GLS2: variants seen among roughly 807,000 people sequenced by gnomAD.
GLS2 encodes glutaminase liver isoform, mitochondrial.
A neutral mutation model predicts 79.0 loss-of-function variants in GLS2; 52 were observed. The observed-to-expected ratio is 0.66, with a 90% CI of 0.53 to 0.83. The LOEUF (loss-of-function observed/expected upper bound fraction) is 0.83, where lower values mean the gene tolerates loss of function less well. Ranked by LOEUF, GLS2 falls within the 40% of genes least tolerant of loss-of-function variation. The pLI, the probability that GLS2 is intolerant of heterozygous loss-of-function variation, is 0.00. For missense variants in GLS2, 561 were observed against 764.8 expected, an observed-to-expected ratio of 0.73 and a Z score of 3.14; for synonymous variants, 238 against 280.8, an observed-to-expected ratio of 0.85 and a Z score of 1.52.
At position 56,479,110 on chromosome 12, in the gene GLS2, TC is replaced by T. The variant is rs1437926660; in HGVS notation, c.475del (p.Glu159SerfsTer63). ...GATGCGATCCACATGGCCCGTGAAC[TC>T]CTCAAAATCAGGAATGACAAACTTC... ...RKKFVIPDFE[E>X]FTGHVDRIFE... On this transcript the variant is annotated frameshift_variant, in exon 4 of 18. Coordinates refer to ENST00000311966, the MANE Select transcript of GLS2 (RefSeq NM_013267.4). LOFTEE classifies it high-confidence loss of function. 16 of 1,613,574 alleles carry T rather than the reference TC, an allele frequency of 9.9e-6. No individual in the cohort carries two copies. Among genetic ancestry groups the T allele is most frequent in the Non-Finnish European group, 1.3e-5 (15 of 1,179,924 alleles).
chr12:56,473,096 A>T, intron 14 of GLS2, 132 bp downstream of exon 14: 5 of 797,954 alleles, frequency 6.3e-6, no homozygotes, highest in South Asian at 1.7e-5. Flanking sequence ...TCACCGTGTT[A>T]GCCAGGATGG....
At chr12:56,486,515 G>GT (rs1239759863) in intron 1 of GLS2, among the ~76,000 whole-genome samples, 1 of 152,180 alleles carries the variant, frequency 6.6e-6, no homozygotes, top group Non-Finnish European at 1.5e-5. Context: ...AAAGTACTGT[G>GT]TAATATGGAT....
chr12:56,472,897 T>A (rs1005301889), intron 14 of GLS2, 146 bp from the exon 15 acceptor site: 2 of 730,680 alleles, frequency 2.7e-6, no homozygotes, highest in African/African-American at 3.6e-5. Context: ...TTTTTTTTTT[T>A]TTTTTTTTGA....
chr12:56,481,920 C>T (rs1416683813), intron 1 of GLS2, among the ~76,000 whole-genome samples: 3 of 148,076 alleles, frequency 2.0e-5, no homozygotes, highest in African/African-American at 7.7e-5. Flanking sequence ...CTTGGTAGGA[C>T]ATCAAAAGCT....
At chr12:56,481,497 C>T (rs1033490853) in intron 1 of GLS2, among the ~76,000 whole-genome samples, 2 of 151,050 alleles carry the variant, frequency 1.3e-5, no homozygotes, top group Non-Finnish European at 1.5e-5. Flanking sequence ...TGAGCCACCA[C>T]GCCCAGTCAA....
Position 56,474,882 on chromosome 12 carries a change from C to T in GLS2, c.1011G>A (p.Gly337=), listed in dbSNP as rs61731958. ...GATCAAGGGCAGCCATCATGTCCACCCCCTTAGGAAAGCACTGCAAGGAAG... is the reference window on the plus strand; with the variant it reads ...GATCAAGGGCAGCCATCATGTCCACTCCCTTAGGAAAGCACTGCAAGGAAG... ...YLKEKKCFPK[G]VDMMAALDLY... Residue 337 remains glycine, a synonymous_variant, in exon 11 of 18, where the codon GGG becomes GGA. Coordinates refer to ENST00000311966, the MANE Select transcript of GLS2 (RefSeq NM_013267.4). 6,337 of 1,614,078 alleles carry T rather than the reference C, an allele frequency of 3.9e-3. 212 individuals are homozygous for T. The African/African-American group carries it at 0.073, about 19-fold the overall frequency.
chr12:56,475,298 T>C (rs1869707235), intron 9 of GLS2, 188 bp from the exon 10 acceptor site: 3 of 1,447,240 alleles, frequency 2.1e-6, no homozygotes, highest in South Asian at 1.3e-5. Context: ...AGTTTTGTTA[T>C]AAAGTAAACC....
At chr12:56,483,665 T>C (rs1378791934) in intron 1 of GLS2, among the ~76,000 whole-genome samples, 1 of 151,552 alleles carries the variant, frequency 6.6e-6, no homozygotes, top group East Asian at 2.0e-4. Flanking sequence ...AAGCTGGCCT[T>C]GAACTCCTGG....
Position 56,471,325 on chromosome 12 carries a change from G to T in GLS2, c.*162C>A. 1 of 684,484 alleles carries T rather than the reference G, an allele frequency of 1.5e-6. No individual in the cohort carries two copies. The highest frequency in any genetic ancestry group is 2.4e-6 in the Non-Finnish European group (1 of 418,914). 42.4% of individuals were successfully genotyped at this position (684,484 alleles called of 1,614,324 possible). A position where few individuals can be genotyped will look rare whatever the true frequency, so the allele number is the denominator to read the frequency against. ...TCTGTACTCTGTCTGCTGAGGGAAT[G>T]GGGTATTTTGACTCCCATAGAAAGC... On this transcript the variant is annotated 3_prime_UTR_variant, in exon 18 of 18. Coordinates refer to ENST00000311966, the MANE Select transcript of GLS2 (RefSeq NM_013267.4).
intron 8 of GLS2, 131 bp from the exon 9 acceptor site, chr12:56,475,813 C>A (rs1389822974): frequency 2.1e-6 from 3 of 1,402,330 alleles, no homozygotes; most frequent in South Asian, 1.2e-5. Flanking sequence ...CAGATTTCCA[C>A]ATTTCTGGAA....
chr12:56,485,280 A>G (rs1870593540), intron 1 of GLS2, among the ~76,000 whole-genome samples: 5 of 152,084 alleles, frequency 3.3e-5, no homozygotes, highest in Non-Finnish European at 5.9e-5. Flanking sequence ...TTTTTGACAC[A>G]GGGTCTTGCT....
At chr12:56,477,463 A>G in intron 7 of GLS2, 197 bp downstream of exon 7, 1 of 538,138 alleles carries the variant, frequency 1.9e-6, no homozygotes, top group Non-Finnish European at 3.3e-6. Context: ...AGTGGGGATG[A>G]CGGAGGTGGT....
rs748572561 is a variant in GLS2 at position 56,472,776 on chromosome 12, G to A, written c.1450-25C>T. ...TCTGGAACACAAATCATACCCACAT[G>A]ACATTAATTGAACTCACCTATGCCA... On this transcript the variant is annotated intron_variant, in intron 14 of 17. Coordinates refer to ENST00000311966, the MANE Select transcript of GLS2 (RefSeq NM_013267.4). 1.9e-6 allele frequency: 3 copies of A among 1,608,880 alleles called. No individual in the cohort carries two copies. In the South Asian group the frequency reaches 3.3e-5, roughly 18 times the overall value.
chr12:56,479,950 G>T, intron 2 of GLS2, 49 bp from the exon 3 acceptor site: 1 of 1,593,928 alleles, frequency 6.3e-7, no homozygotes, highest in Non-Finnish European at 8.6e-7. Flanking sequence ...GGACAGTGAT[G>T]TACTCCTCAT....
chr12:56,471,505 GT>G lies in GLS2; in HGVS notation c.1790del (p.Asn597ThrfsTer2), dbSNP rs752258697. ...CCTGTGCTCATACCATGCTTTCTAA[GT>G]TCTCTTTGGACAGGGCCTCAGCTGC... ...EAAAEALSKE[N>X]LESMV On this transcript the variant is annotated frameshift_variant, in exon 18 of 18. Coordinates refer to ENST00000311966, the MANE Select transcript of GLS2 (RefSeq NM_013267.4). LOFTEE classifies it high-confidence loss of function. The G allele has an allele frequency of 6.2e-7, 1 of 1,613,580 alleles. No individual in the cohort carries two copies. Among genetic ancestry groups the G allele is most frequent in the East Asian group, 2.2e-5 (1 of 44,880 alleles).
chr12:56,475,374 C>T (rs1450079996), intron 9 of GLS2: 2 of 908,510 alleles, frequency 2.2e-6, no homozygotes, highest in Admixed American at 5.7e-5. Flanking sequence ...CTTTGAAAGT[C>T]TTGGCAAGAA....
intron 13 of GLS2, 46 bp from the exon 14 acceptor site, chr12:56,473,366 A>C: frequency 6.2e-7 from 1 of 1,605,266 alleles, no homozygotes; most frequent in Non-Finnish European, 8.5e-7. Flanking sequence ...CCTTACACTT[A>C]GTAGGAGCTC....
chr12:56,477,768 C>T (rs531838701), intron 6 of GLS2, 50 bp from the exon 7 acceptor site: 2 of 1,579,342 alleles, frequency 1.3e-6, no homozygotes, highest in Non-Finnish European at 1.7e-6. Context: ...CAAAGCCTCC[C>T]TGACAGCCCG....
intron 9 of GLS2, 57 bp from the exon 10 acceptor site, chr12:56,475,167 G>A (rs1181298056): frequency 1.2e-6 from 2 of 1,610,554 alleles, no homozygotes; most frequent in Middle Eastern, 1.6e-4. Flanking sequence ...TTGGGAGAAG[G>A]GGAAAAATTA....
Sources: allele counts gnomAD v4.1 joint callset (sites outside exome capture counted in the v4.1 genomes callset), GRCh38; gene constraint gnomAD v4.1.1; transcripts MANE v1.5; gene names NCBI Gene and HGNC (gene_info 2026-07-23, HGNC 2026-07-21).